The following POPDC1 variants were observed in gnomAD, a reference collection of about 807,000 sequenced individuals.
POPDC1 encodes the protein popeye domain cAMP effector 1.
chr6:105,112,939 C>CTTT, the POPDC1 span, among the ~76,000 whole-genome samples: 1 of 147,806 alleles, frequency 6.8e-6, no homozygotes, highest in Middle Eastern at 3.5e-3. Context: ...TTTTTCTTTT[C>CTTT]TTTTTTTTTT....
chr6:105,115,964 T>C, the POPDC1 span: 1 of 669,524 alleles, frequency 1.5e-6, no homozygotes, highest in Non-Finnish European at 2.3e-6. Flanking sequence ...AGGTGGCCAA[T>C]AAACATAAGC....
the POPDC1 span, among the ~76,000 whole-genome samples, chr6:105,114,829 G>A: frequency 6.6e-6 from 1 of 152,182 alleles, no homozygotes; most frequent in Non-Finnish European, 1.5e-5. Context: ...TAGCTCACAA[G>A]GGTGTTGAGT....
At chr6:105,112,190 T>C in the POPDC1 span, among the ~76,000 whole-genome samples, 1 of 152,126 alleles carries the variant, frequency 6.6e-6, no homozygotes, top group Non-Finnish European at 1.5e-5. Context: ...TTTAAGAATC[T>C]GTTGTTCTAC....
At chr6:105,127,216 A>G in the POPDC1 span, among the ~76,000 whole-genome samples, 6 of 152,308 alleles carry the variant, frequency 3.9e-5, no homozygotes, top group Non-Finnish European at 8.8e-5. Context: ...CATATTTTTC[A>G]AAAAAGTAGA....
the POPDC1 span, among the ~76,000 whole-genome samples, chr6:105,102,199 G>A: frequency 6.6e-6 from 1 of 152,210 alleles, no homozygotes; most frequent in Admixed American, 6.5e-5. Flanking sequence ...TGATGGTGGA[G>A]GGATACCGGG....
chr6:105,110,065 C>T, the POPDC1 span, among the ~76,000 whole-genome samples: 3,838 of 152,252 alleles, frequency 0.025, 155 homozygotes, highest in African/African-American at 0.089. Context: ...AGGCCCCCTC[C>T]TGGGGCGAGG....
chr6:105,118,616 T>C, the POPDC1 span, among the ~76,000 whole-genome samples: 1 of 152,132 alleles, frequency 6.6e-6, no homozygotes, highest in East Asian at 1.9e-4. Flanking sequence ...TAAAGAAATA[T>C]GACAATTTCA....
chr6:105,133,311 G>A, the POPDC1 span: 10 of 1,502,672 alleles, frequency 6.7e-6, no homozygotes, highest in South Asian at 9.6e-5. Context: ...TCTTATGTCA[G>A]TTACAGAAAA....
the POPDC1 span, among the ~76,000 whole-genome samples, chr6:105,109,516 T>A: frequency 6.6e-6 from 1 of 151,700 alleles, no homozygotes; most frequent in African/African-American, 2.4e-5. Flanking sequence ...GACGGACAGA[T>A]CACTTGAGCC....
chr6:105,108,889 G>A, the POPDC1 span, among the ~76,000 whole-genome samples: 2 of 152,212 alleles, frequency 1.3e-5, no homozygotes, highest in Admixed American at 6.5e-5. Context: ...CCGTTTCAAA[G>A]TAAGAGACCC....
chr6:105,120,948 C>T, the POPDC1 span, among the ~76,000 whole-genome samples: 2 of 152,208 alleles, frequency 1.3e-5, no homozygotes, highest in East Asian at 1.9e-4. Flanking sequence ...AACACAGATT[C>T]AAAAGTGGCA....
At chr6:105,101,751 A>G in the POPDC1 span, among the ~76,000 whole-genome samples, 2 of 152,178 alleles carry the variant, frequency 1.3e-5, no homozygotes, top group Non-Finnish European at 2.9e-5. Flanking sequence ...AAGGCCAGGC[A>G]TTCAGGAGGG....
chr6:105,108,452 G>A, the POPDC1 span, among the ~76,000 whole-genome samples: 1 of 152,158 alleles, frequency 6.6e-6, no homozygotes, highest in African/African-American at 2.4e-5. Context: ...AGTATGAAAA[G>A]GCAGGGTTCA....
the POPDC1 span, chr6:105,100,258 C>G: frequency 6.6e-6 from 1 of 152,050 alleles, no homozygotes; most frequent in Non-Finnish European, 1.5e-5. Context: ...GCCTGTAATC[C>G]CAGCACTCTG....
chr6:105,136,971 G>T, the POPDC1 span: 33 of 152,254 alleles, frequency 2.2e-4, no homozygotes, highest in Non-Finnish European at 2.3e-4. Flanking sequence ...ATCCTTACCC[G>T]GCTGGTCCCT....
At chr6:105,111,692 T>C in the POPDC1 span, among the ~76,000 whole-genome samples, 1 of 152,162 alleles carries the variant, frequency 6.6e-6, no homozygotes, top group East Asian at 1.9e-4. Flanking sequence ...GAATACAGAA[T>C]CTATGTGGAA....
At chr6:105,108,797 C>A in the POPDC1 span, among the ~76,000 whole-genome samples, 1 of 152,268 alleles carries the variant, frequency 6.6e-6, no homozygotes, top group Admixed American at 6.5e-5. Context: ...ATAATCTCAA[C>A]ATTGTTTATT....
At chr6:105,137,148 C>T in the POPDC1 span, 1 of 151,566 alleles carries the variant, frequency 6.6e-6, no homozygotes, top group African/African-American at 2.4e-5. Flanking sequence ...AGCCCGCAGC[C>T]GCTTTGACTA....
the POPDC1 span, chr6:105,125,621 A>G: frequency 3.2e-6 from 5 of 1,578,004 alleles, no homozygotes; most frequent in Admixed American, 8.4e-5. Context: ...ATGCAGCAGC[A>G]ATCCCAAAAC....
Sources: allele counts gnomAD v4.1 joint callset (sites outside exome capture counted in the v4.1 genomes callset), GRCh38; gene constraint gnomAD v4.1.1; transcripts MANE v1.5; gene names NCBI Gene and HGNC (gene_info 2026-07-23, HGNC 2026-07-21).